Variants in KDM5C observed in about 807,000 individuals in gnomAD.
KDM5C encodes the protein lysine demethylase 5C, also known as lysine-specific demethylase 5C.
In KDM5C, 16 loss-of-function variants were observed where a neutral mutation model predicts 110.6. The observed-to-expected ratio is 0.14, with a 90% CI of 0.10 to 0.22. KDM5C has a LOEUF of 0.22. Ranked by LOEUF, KDM5C falls within the 10% of genes least tolerant of loss-of-function variation. KDM5C has a pLI of 1.00. For synonymous variants in KDM5C, 511 were observed against 520.4 expected (o/e 0.98, Z 0.24); for missense variants, 681 against 1,300.9 (o/e 0.52, Z 7.33).
At chrX:53,220,095 T>C (rs2073855022) in intron 2 of KDM5C, among the ~76,000 whole-genome samples, 1 of 111,830 alleles carries the variant, frequency 8.9e-6, no homozygotes, top group Non-Finnish European at 1.9e-5. Context: ...CCCCACCCCT[T>C]GGACATCTAT....
At chrX:53,190,942 G>A (rs1300084744), downstream of KDM5C, among the ~76,000 whole-genome samples, 3 of 111,600 alleles carry the variant, frequency 2.7e-5, no homozygotes, top group East Asian at 2.8e-4. Context: ...TTGAGAGGAC[G>A]GAAAGCCCTT....
At chrX:53,224,451 G>A (rs1020012142) in intron 1 of KDM5C, among the ~76,000 whole-genome samples, 1 of 111,816 alleles carries the variant, frequency 8.9e-6, no homozygotes, top group Admixed American at 9.4e-5. Context: ...GATGTGCGGG[G>A]TGCCTCTCTG....
chrX:53,213,626 A>C (rs893800383), intron 8 of KDM5C, among the ~76,000 whole-genome samples: 2 of 111,504 alleles, frequency 1.8e-5, no homozygotes, highest in Non-Finnish European at 3.8e-5. Context: ...TGTTCCTGCT[A>C]GTCCTCCACC....
intron 12 of KDM5C, among the ~76,000 whole-genome samples, chrX:53,209,452 A>G (rs1421230524): frequency 8.9e-6 from 1 of 111,913 alleles, no homozygotes; most frequent in Non-Finnish European, 1.9e-5. Flanking sequence ...GAGAAGGCAA[A>G]AAGAAATGCA....
chrX:53,197,741 A>T, intron 18 of KDM5C, 30 bp downstream of exon 18: 1 of 1,110,875 alleles, frequency 9.0e-7, no homozygotes, highest in Non-Finnish European at 1.2e-6. Context: ...GGTCCCCTTG[A>T]TCCCTCATCA....
chrX:53,208,666 C>T (rs1556847206), intron 12 of KDM5C, among the ~76,000 whole-genome samples: 1 of 105,325 alleles, frequency 9.5e-6, no homozygotes, highest in African/African-American at 3.5e-5. Context: ...CCACCACGCC[C>T]GGCTAATTCT....
chrX:53,211,234 T>G (rs1230514722), intron 10 of KDM5C, among the ~76,000 whole-genome samples: 1 of 111,815 alleles, frequency 8.9e-6, no homozygotes, highest in Non-Finnish European at 1.9e-5. Context: ...ATATACCTTC[T>G]CATTTAATTT....
chrX:53,192,352 G>A lies in KDM5C; in HGVS notation c.*615C>T. 1 of 183,608 alleles carries A rather than the reference G, an allele frequency of 5.4e-6. No homozygotes were observed. Among genetic ancestry groups the A allele is most frequent in the Non-Finnish European group, 1.0e-5 (1 of 97,439 alleles). The allele number at this position is 183,608 out of a possible 1,213,427, so 15.1% of individuals were successfully genotyped here. A position where few individuals can be genotyped will look rare whatever the true frequency, so the allele number is the denominator to read the frequency against. ...GAGGAAAGGAGACAGGGGAGGACAG[G>A]GAGGGAGGACTGAGGTGGTTGTGAG... is the stretch of plus-strand genomic sequence containing the variant. On this transcript the variant is annotated 3_prime_UTR_variant, in exon 26 of 26. Transcript: ENST00000375401.
intron 8 of KDM5C, chrX:53,212,300 G>T: frequency 6.4e-6 from 1 of 157,072 alleles, no homozygotes; most frequent in Non-Finnish European, 1.2e-5. Context: ...TAGCTAAAAT[G>T]TGATTCTTTT....
At chrX:53,218,813 A>G in intron 2 of KDM5C, 1 of 261,166 alleles carries the variant, frequency 3.8e-6, no homozygotes, top group East Asian at 1.1e-4. Flanking sequence ...AGCTCAAGCA[A>G]TCCATCCACT....
chrX:53,194,069 G>A, intron 23 of KDM5C, 70 bp downstream of exon 23: 1 of 1,152,246 alleles, frequency 8.7e-7, no homozygotes, highest in Non-Finnish European at 1.2e-6. Flanking sequence ...AAGGGGCAGG[G>A]CCGAGCCTAA....
intron 8 of KDM5C, 87 bp from the exon 9 acceptor site, chrX:53,211,993 G>A: frequency 1.6e-5 from 17 of 1,090,312 alleles, no homozygotes; most frequent in Middle Eastern, 3.5e-4. Flanking sequence ...AAGGGGTAGG[G>A]AGGGAGAAGA....
intron 14 of KDM5C, among the ~76,000 whole-genome samples, chrX:53,199,833 A>G: frequency 1.8e-5 from 2 of 111,750 alleles, no homozygotes; most frequent in South Asian, 7.5e-4. Context: ...CTAATGGGCA[A>G]TTTTAGGGAT....
chrX:53,199,198 C>A (rs372685701), intron 14 of KDM5C, 40 bp from the exon 15 acceptor site: 1 of 1,177,983 alleles, frequency 8.5e-7, no homozygotes, highest in African/African-American at 1.7e-5. Context: ...TAACCAGAAC[C>A]AGGTAGCAAA....
In KDM5C at chrX:53,198,640, G is replaced by A. The variant is rs1556839674; in HGVS notation, c.2369-3C>T. 8.3e-7 allele frequency: 1 copy of A among 1,211,762 alleles called. No individual in the cohort carries two copies. The highest frequency in any genetic ancestry group is 2.2e-5 in the Admixed American group (1 of 46,059). Reference sequence around the variant, plus strand: ...TAGTGCCCTCAGTTCTTCAAGGCCTGGAAGAAAAATGAGGGCAGCAAAGAG... The same window carrying A: ...TAGTGCCCTCAGTTCTTCAAGGCCTAGAAGAAAAATGAGGGCAGCAAAGAG... On this transcript the variant is annotated splice_region_variant and splice_polypyrimidine_tract_variant and intron_variant, in intron 16 of 25. Transcript: ENST00000375401.
At chrX:53,210,901 A>G in intron 10 of KDM5C, 44 bp from the exon 11 acceptor site, 1 of 1,123,315 alleles carries the variant, frequency 8.9e-7, no homozygotes, top group Non-Finnish European at 1.2e-6. Context: ...GGGTTATGCT[A>G]AGGAACTGAG....
rs1934902743 is a variant in KDM5C, at chrX:53,196,920, G to A, written c.2747C>T (p.Pro916Leu). The change falls in exon 19 of 26, where the codon CCT (proline) becomes CTT (leucine). Residue 916 changes from proline (P) to leucine (L), a missense_variant. Pro to Leu is a moderately conservative substitution (Grantham distance 98). Transcript: ENST00000375401. ...CTGCCGCTGGAGCTGCTGGGCCTCA[G>A]GCACCTCCACCCCCAGCTGCCGCCC... ...ERGRQLGVEVPEAQQLQRQVE... is the reference protein window; with the variant it reads ...ERGRQLGVEVLEAQQLQRQVE... The A allele has an allele frequency of 8.3e-7, 1 of 1,200,381 alleles. No homozygotes were observed. The highest frequency in any genetic ancestry group is 2.2e-5 in the Admixed American group (1 of 44,837).
intron 12 of KDM5C, among the ~76,000 whole-genome samples, chrX:53,207,133 C>T (rs1468252873): frequency 2.3e-5 from 2 of 87,042 alleles, no homozygotes; most frequent in Non-Finnish European, 4.3e-5. Flanking sequence ...GCTGAGATCA[C>T]GTCACTGCAC....
chrX:53,184,996 T>C (rs781900703), intron 25 of KDM5C, among the ~76,000 whole-genome samples: 41 of 112,206 alleles, frequency 3.7e-4, no homozygotes, highest in Non-Finnish European at 5.3e-4. Flanking sequence ...GGGGAATCCA[T>C]CGTTTAGGGC....
Sources: allele counts gnomAD v4.1 joint callset (sites outside exome capture counted in the v4.1 genomes callset), GRCh38; gene constraint gnomAD v4.1.1; transcripts MANE v1.5; gene names NCBI Gene and HGNC (gene_info 2026-07-23, HGNC 2026-07-21).